The following NPC1L1 variants were observed in gnomAD, a reference collection of about 807,000 sequenced individuals.
NPC1L1 encodes NPC1-like intracellular cholesterol transporter 1.
Under a neutral mutation model 117.0 loss-of-function variants are expected in NPC1L1, and 98 were observed. The ratio of observed to expected loss-of-function variants is 0.84; its 90% CI spans 0.71 to 0.99. The LOEUF (loss-of-function observed/expected upper bound fraction) is 0.99, where lower values mean the gene tolerates loss of function less well. Ranked by LOEUF, NPC1L1 falls within the 50% of genes least tolerant of loss-of-function variation. The pLI, the probability that NPC1L1 is intolerant of heterozygous loss-of-function variation, is 0.00. For missense variants in NPC1L1, 1,540 were observed against 1,710.0 expected (o/e 0.90, Z 1.75); for synonymous variants, 729 against 727.6 (o/e 1.00, Z -0.03).
chr7:44,522,334 G>T, intron 10 of NPC1L1, 92 bp from the exon 11 acceptor site: 1 of 1,235,294 alleles, frequency 8.1e-7, no homozygotes, highest in Non-Finnish European at 1.2e-6. Flanking sequence ...TACACACAGA[G>T]GTACATGCTA....
chr7:44,518,815 G>T, intron 14 of NPC1L1: 1 of 880,344 alleles, frequency 1.1e-6, no homozygotes, highest in Non-Finnish European at 1.4e-6. Context: ...GGTGCCTGGA[G>T]AACTTCCCAC....
chr7:44,517,050 A>G, intron 15 of NPC1L1, 116 bp from the exon 16 acceptor site: 5 of 1,443,464 alleles, frequency 3.5e-6, no homozygotes, highest in Non-Finnish European at 4.9e-6. Flanking sequence ...ATTGGGGTAC[A>G]AACCAGCCTA....
chr7:44,539,742 T>G lies in NPC1L1; in HGVS notation c.655A>C (p.Thr219Pro), dbSNP rs1585154060. 6.2e-7 allele frequency: 1 copy of G among 1,613,990 alleles called. No homozygotes were observed. The highest frequency in any genetic ancestry group is 2.2e-5 in the East Asian group (1 of 44,866). Reference protein sequence around the residue: ...TGNGLAPLDITFHLLEPGQAV... With the variant: ...TGNGLAPLDIPFHLLEPGQAV... ...TGGCCAGGCTCCAAGAGGTGGAAGG[T>G]GATGTCCAGTGGGGCCAGACCATTG... The change falls in exon 2 of 19, where the codon ACC (threonine) becomes CCC (proline). Residue 219 changes from threonine (T) to proline (P), a missense_variant. By Grantham distance (38) the Thr-to-Pro change is conservative (BLOSUM62 -1). This residue lies in a region of NPC1L1 where 793 missense variants were observed against 820.4 expected (regional missense o/e 0.97). Transcript: ENST00000381160. The surrounding 1 kb of genome is among the most constrained non-coding windows in gnomAD (Gnocchi z 4.4).
chr7:44,540,168 T>C lies in NPC1L1; in HGVS notation c.229A>G (p.Ile77Val), dbSNP rs143258432. Residue 77 changes from isoleucine (I) to valine (V), a missense_variant, in exon 2 of 19, where the codon ATC (isoleucine) becomes GTC (valine). Around this residue, in one of 3 missense-constraint regions of NPC1L1, gnomAD observed 793 missense variants for 820.4 expected, o/e 0.97. Transcript: ENST00000381160. Reference protein sequence around the residue: ...TGDHLILLQKICPRLYTGPNT... With the variant: ...TGDHLILLQKVCPRLYTGPNT... ...GGGCCGGTGTAGAGGCGGGGGCAGA[T>C]CTTCTGTAATAGGATCAGGTGATCA... 1.5e-5 allele frequency: 24 copies of C among 1,612,804 alleles called. No individual in the cohort carries two copies. The African/African-American group carries it at 2.8e-4, about 19-fold the overall frequency.
rs949742015 is a variant in NPC1L1, at chr7:44,512,566, T to G, written c.*881A>C. Reference sequence around the variant, plus strand: ...CCAACAAATGTTTATTAAACACCTATGTGCACAGCACAGAGCCAGGATCTT... The same window carrying G: ...CCAACAAATGTTTATTAAACACCTAGGTGCACAGCACAGAGCCAGGATCTT... On this transcript the variant is annotated 3_prime_UTR_variant, in exon 19 of 19. Transcript: ENST00000381160. 5.9e-5 allele frequency: 9 copies of G among 152,400 alleles called. No individual in the cohort carries two copies. The highest frequency in any genetic ancestry group is 2.2e-4 in the African/African-American group (9 of 41,588). The allele number at this position is 152,400 out of a possible 1,614,324, so 9.4% of individuals were successfully genotyped here.
At position 44,520,811 on chromosome 7, in the gene NPC1L1, T is replaced by C. The variant is rs753355556; in HGVS notation, c.3090A>G (p.Ala1030=). The C allele has an allele frequency of 1.9e-6, 3 of 1,614,148 alleles. No homozygotes were observed. The South Asian group carries it at 3.3e-5, about 18-fold the overall frequency. The change falls in exon 14 of 19, where the codon GCA becomes GCG. Residue 1030 remains alanine (A), a synonymous_variant. Coordinates refer to ENST00000381160, the MANE Select transcript of NPC1L1 (RefSeq NM_001101648.2). ...PNIKCPKGGL[A]AYSTSVNLTS... ...TCAAGTTCACAGAGGTGCTGTATGC[T>C]GCCAGGCCGCTGCAAGAAGGTCAGG...
intron 18 of NPC1L1, among the ~76,000 whole-genome samples, 159 bp downstream of exon 18, chr7:44,515,644 T>G (rs1330240898): frequency 6.6e-6 from 1 of 152,180 alleles, no homozygotes; most frequent in Non-Finnish European, 1.5e-5. Context: ...TGAATAATAG[T>G]AGCTTCCAAG....
Position 44,539,728 on chromosome 7 carries a change from C to A in NPC1L1, c.669G>T (p.Leu223Phe). 1 of 1,614,134 alleles carries A rather than the reference C, an allele frequency of 6.2e-7. No individual in the cohort carries two copies. Among genetic ancestry groups the A allele is most frequent in the Non-Finnish European group, 8.5e-7 (1 of 1,180,024 alleles). Residue 223 changes from leucine (L) to phenylalanine (F), a missense_variant, in exon 2 of 19, where the codon TTG (leucine) becomes TTT (phenylalanine). Around this residue, in one of 3 missense-constraint regions of NPC1L1, gnomAD observed 793 missense variants for 820.4 expected, o/e 0.97. Coordinates refer to ENST00000381160, the MANE Select transcript of NPC1L1 (RefSeq NM_001101648.2). This position sits in a 1 kb window ranked among gnomAD's most constrained non-coding sequence, Gnocchi z 4.4. ...LAPLDITFHL[L>F]EPGQAVGSGI... ...CACTCCCCACGGCCTGGCCAGGCTCCAAGAGGTGGAAGGTGATGTCCAGTG... is the reference window on the plus strand; with the variant it reads ...CACTCCCCACGGCCTGGCCAGGCTCAAAGAGGTGGAAGGTGATGTCCAGTG...
Position 44,539,157 on chromosome 7 carries a change from C to A in NPC1L1, c.1240G>T (p.Ala414Ser), listed in dbSNP as rs1304489097. The change falls in exon 2 of 19, where the codon GCT becomes TCT. Residue 414 changes from alanine to serine, a missense_variant. Coordinates refer to ENST00000381160, the MANE Select transcript of NPC1L1 (RefSeq NM_001101648.2). This position sits in a 1 kb window ranked among gnomAD's most constrained non-coding sequence, Gnocchi z 4.4. ...FFRTNQVILT[A>S]PNRSSYRYDS... is the part of the protein sequence containing the mutation. ...TACCTGTAGCTGGACCGGTTAGGAGCCGTCAGGATCACCTGGTTGGTTCGG... is the reference window on the plus strand; with the variant it reads ...TACCTGTAGCTGGACCGGTTAGGAGACGTCAGGATCACCTGGTTGGTTCGG... 2.5e-6 allele frequency: 4 copies of A among 1,614,118 alleles called. No homozygotes were observed. The Admixed American group carries it at 5.0e-5, about 20-fold the overall frequency.
Position 44,521,741 on chromosome 7 carries a change from T to A in NPC1L1, c.2924A>T (p.Asn975Ile). The A allele has an allele frequency of 1.2e-6, 2 of 1,614,078 alleles. No homozygotes were observed. The highest frequency in any genetic ancestry group is 3.3e-4 in the Middle Eastern group (2 of 6,062). ...GGTCGAGGGGCAGAACTTGTCCTTA[T>A]TGGGGCCAGATATATAAAGGCGGCA... is the stretch of plus-strand genomic sequence containing the variant. ...SCCRLYISGP[N>I]KDKFCPSTVN... The change falls in exon 12 of 19, where the codon AAT becomes ATT. Residue 975 changes from asparagine (N) to isoleucine (I), a missense_variant. Physicochemically the swap from Asn to Ile is moderately radical, Grantham distance 149. Around this residue, in one of 3 missense-constraint regions of NPC1L1, gnomAD observed 742 missense variants for 873.6 expected, o/e 0.85. Transcript: ENST00000381160.
chr7:44,516,167 G>A lies in NPC1L1; in HGVS notation c.3550C>T (p.His1184Tyr). Residue 1184 changes from histidine to tyrosine, a missense_variant, in exon 17 of 19, where the codon CAC becomes TAC. By Grantham distance (83) the His-to-Tyr change is moderately conservative. Coordinates refer to ENST00000381160, the MANE Select transcript of NPC1L1 (RefSeq NM_001101648.2). ...CTGATGGCAAAGGAGCGGGTAATGTGGGACACAAACTCCACAGACATGCCC... is the reference window on the plus strand; with the variant it reads ...CTGATGGCAAAGGAGCGGGTAATGTAGGACACAAACTCCACAGACATGCCC... ...AVGMSVEFVS[H>Y]ITRSFAISTK... The A allele has an allele frequency of 6.2e-7, 1 of 1,610,958 alleles. No homozygotes were observed. The highest frequency in any genetic ancestry group is 2.2e-5 in the East Asian group (1 of 44,824).
chr7:44,517,983 G>A (rs1162537962), intron 14 of NPC1L1, among the ~76,000 whole-genome samples: 2 of 151,860 alleles, frequency 1.3e-5, no homozygotes, highest in East Asian at 3.9e-4. Flanking sequence ...AGGCGTGGTG[G>A]CACACCCCTG....
chr7:44,518,644 G>A, intron 14 of NPC1L1: 1 of 1,050,296 alleles, frequency 9.5e-7, no homozygotes, highest in Non-Finnish European at 1.3e-6. Flanking sequence ...ACTCCAGCCT[G>A]GGTGACAGAA....
Position 44,522,217 on chromosome 7 carries a change from A to T in NPC1L1, c.2663T>A (p.Leu888His), listed in dbSNP as rs759734303. Residue 888 changes from leucine (L) to histidine (H), a missense_variant, in exon 11 of 19, where the codon CTC (leucine) becomes CAC (histidine). By Grantham distance (99) the Leu-to-His change is moderately conservative. Coordinates refer to ENST00000381160, the MANE Select transcript of NPC1L1 (RefSeq NM_001101648.2). Reference protein sequence around the residue: ...PKDSYLLDYFLFLNRYFEVGA... With the variant: ...PKDSYLLDYFHFLNRYFEVGA... ...CACCTCGAAGTAGCGGTTCAGAAAG[A>T]GGAAATAGTCAAGCAGGTACGAGTC... 1 of 1,613,688 alleles carries T rather than the reference A, an allele frequency of 6.2e-7. No homozygotes were observed. Among genetic ancestry groups the T allele is most frequent in the Non-Finnish European group, 8.5e-7 (1 of 1,179,862 alleles).
chr7:44,516,849 C>T lies in NPC1L1; in HGVS notation c.3373G>A (p.Ala1125Thr), dbSNP rs778913010. 2 of 1,614,094 alleles carry T rather than the reference C, an allele frequency of 1.2e-6. No homozygotes were observed. Among genetic ancestry groups the T allele is most frequent in the Non-Finnish European group, 1.7e-6 (2 of 1,180,026 alleles). Residue 1125 changes from alanine (A) to threonine (T), a missense_variant, in exon 16 of 19, where the codon GCT becomes ACT. Ala to Thr is a moderately conservative substitution (Grantham distance 58). This residue lies in a region of NPC1L1 where 742 missense variants were observed against 873.6 expected (regional missense o/e 0.85). Transcript: ENST00000381160. ...MLSLCLVPTF[A>T]VSCLLLGLDL... ...AGGCCCAGCAGGAGGCAGGAGACAG[C>T]GAAGGTGGGCACAAGGCAGAGGCTG...
chr7:44,513,809 G>A (rs1801110988), intron 18 of NPC1L1, among the ~76,000 whole-genome samples, 160 bp from the exon 19 acceptor site: 1 of 152,258 alleles, frequency 6.6e-6, no homozygotes, highest in Middle Eastern at 3.4e-3. Flanking sequence ...CAAGCTTCAG[G>A]GATGTCCTGG....
chr7:44,529,025 C>A (rs527312534), intron 10 of NPC1L1, among the ~76,000 whole-genome samples: 1 of 151,026 alleles, frequency 6.6e-6, no homozygotes, highest in African/African-American at 2.4e-5. Context: ...GAGCTGAGAT[C>A]GCTCCACTGC....
Position 44,539,975 on chromosome 7 carries a change from C to A in NPC1L1, c.422G>T (p.Arg141Leu). ...TTGTCCAGCCCCTAGCTGGGCCACG[C>A]GGGTCACATTGATGAAGAGGCTCTG... ...PNQSLFINVT[R>L]VAQLGAGQLP... Residue 141 changes from arginine to leucine, a missense_variant, in exon 2 of 19, where the codon CGC becomes CTC. By Grantham distance (102) the Arg-to-Leu change is moderately radical (BLOSUM62 -2). Around this residue, in one of 3 missense-constraint regions of NPC1L1, gnomAD observed 793 missense variants for 820.4 expected, o/e 0.97. Transcript: ENST00000381160. The surrounding 1 kb of genome is among the most constrained non-coding windows in gnomAD (Gnocchi z 4.4). 2 of 1,614,196 alleles carry A rather than the reference C, an allele frequency of 1.2e-6. No homozygotes were observed. Among genetic ancestry groups the A allele is most frequent in the Non-Finnish European group, 1.7e-6 (2 of 1,180,040 alleles).
At chr7:44,517,042 T>A (rs1801212613) in intron 15 of NPC1L1, 108 bp from the exon 16 acceptor site, 3 of 1,440,904 alleles carry the variant, frequency 2.1e-6, no homozygotes, top group Non-Finnish European at 2.9e-6. Flanking sequence ...AGGCTTATAT[T>A]GGGGTACAAA....
Sources: allele counts gnomAD v4.1 joint callset (sites outside exome capture counted in the v4.1 genomes callset), GRCh38; gene constraint gnomAD v4.1.1; regional missense constraint gnomAD v4.1.1; non-coding constraint Gnocchi (gnomAD v3.1); transcripts MANE v1.5; gene names NCBI Gene and HGNC (gene_info 2026-07-23, HGNC 2026-07-21).